OPCML: variants seen among roughly 807,000 people sequenced by gnomAD.
The protein encoded by OPCML is opioid-binding protein/cell adhesion molecule.
Under a neutral mutation model 37.8 loss-of-function variants are expected in OPCML, and 13 were observed. That is an observed-to-expected ratio of 0.34 (90% CI 0.22 to 0.55). OPCML has a LOEUF of 0.55. Ranked by LOEUF, OPCML falls within the 20% of genes least tolerant of loss-of-function variation. The pLI is 0.91. For missense variants in OPCML, 341 were observed against 435.6 expected (o/e 0.78, Z 1.93); for synonymous variants, 176 against 168.8 (o/e 1.04, Z -0.33).
intron 4 of OPCML, among the ~76,000 whole-genome samples, chr11:132,501,559 C>T (rs148654465): frequency 1.4e-3 from 214 of 152,308 alleles, no homozygotes; most frequent in Middle Eastern, 0.01. Context: ...AGGAGCTGTA[C>T]ACAGACAGAT....
chr11:133,373,089 T>C (rs1201103629), intron 1 of OPCML, among the ~76,000 whole-genome samples: 2 of 152,134 alleles, frequency 1.3e-5, no homozygotes, highest in East Asian at 1.9e-4. Context: ...CAGTGCAATA[T>C]AGTCATGCTT....
intron 7 of OPCML, among the ~76,000 whole-genome samples, chr11:132,430,769 T>C (rs1358725470): frequency 6.6e-6 from 1 of 152,188 alleles, no homozygotes; most frequent in East Asian, 1.9e-4. Flanking sequence ...CCGTCTTGGC[T>C]TTGTTTGCGT....
intron 1 of OPCML, among the ~76,000 whole-genome samples, chr11:133,359,058 C>T (rs1014241923): frequency 7.9e-5 from 12 of 152,120 alleles, no homozygotes; most frequent in African/African-American, 2.9e-4. Flanking sequence ...TAGGAGAAGC[C>T]ATCAGAGGAA....
chr11:133,451,679 C>T (rs553993065), intron 1 of OPCML, among the ~76,000 whole-genome samples: 1 of 147,302 alleles, frequency 6.8e-6, no homozygotes, highest in Non-Finnish European at 1.5e-5. Context: ...CCTGTCTCTA[C>T]TAAAAATACA....
At chr11:133,146,316 T>TC (rs200002946) in intron 1 of OPCML, among the ~76,000 whole-genome samples, 47 of 140,232 alleles carry the variant, frequency 3.4e-4, no homozygotes, top group Middle Eastern at 7.5e-3. Flanking sequence ...TCTTTTCTTT[T>TC]TTTTTTTTTT....
At chr11:132,880,704 TAG>T (rs1355838719) in intron 2 of OPCML, among the ~76,000 whole-genome samples, 2 of 152,250 alleles carry the variant, frequency 1.3e-5, no homozygotes, top group Non-Finnish European at 2.9e-5. Flanking sequence ...CAGTAATTAC[TAG>T]AGATTACTAC....
At chr11:132,668,812 C>T (rs1174329260) in intron 2 of OPCML, among the ~76,000 whole-genome samples, 1 of 152,122 alleles carries the variant, frequency 6.6e-6, no homozygotes, top group Admixed American at 6.5e-5. Context: ...TTCCAGTCTA[C>T]CTATAGATTC....
intron 1 of OPCML, among the ~76,000 whole-genome samples, chr11:132,989,221 C>A (rs143501670): frequency 6.6e-6 from 1 of 152,164 alleles, no homozygotes; most frequent in African/African-American, 2.4e-5. Flanking sequence ...AGGAAAAAAT[C>A]ATTGGTTCAG....
intron 1 of OPCML, among the ~76,000 whole-genome samples, chr11:132,955,955 A>G (rs1945969751): frequency 6.6e-6 from 1 of 152,230 alleles, no homozygotes; most frequent in Non-Finnish European, 1.5e-5. Context: ...ACCAGCACCC[A>G]GAATAATTCC....
rs188868985 is a variant in OPCML, at chr11:132,879,992, C to T, written c.146+62934G>A. On this transcript the variant is annotated intron_variant, in intron 2 of 7. Coordinates refer to ENST00000524381, the MANE Select transcript of OPCML (RefSeq NM_001012393.5). ...TTCTTTCTTGTCTTCAATTAACCTT[C>T]CCCCAGCCCCAGAGGTGTAATCGGC... Among the ~76,000 whole-genome samples the T allele has an allele frequency of 1.1e-4, 16 of 152,248 alleles. No homozygotes were observed. The East Asian group carries it at 2.7e-3, about 26-fold the overall frequency.
chr11:133,475,872 G>GA (rs11449279), intron 1 of OPCML, among the ~76,000 whole-genome samples: 9,759 of 152,238 alleles, frequency 0.064, 657 homozygotes, highest in African/African-American at 0.17. Context: ...CCAAGATACT[G>GA]AAATAAAAGG....
chr11:132,610,690 G>A (rs940400771), intron 3 of OPCML, among the ~76,000 whole-genome samples: 1 of 152,096 alleles, frequency 6.6e-6, no homozygotes, highest in African/African-American at 2.4e-5. Flanking sequence ...AGGAGACTCT[G>A]GCCAGACATT....
intron 1 of OPCML, among the ~76,000 whole-genome samples, chr11:133,163,976 C>T (rs1372000833): frequency 6.6e-6 from 1 of 152,182 alleles, no homozygotes; most frequent in Non-Finnish European, 1.5e-5. Flanking sequence ...GATTGTCCCT[C>T]CCCCTCTACC....
intron 3 of OPCML, among the ~76,000 whole-genome samples, chr11:132,600,674 T>C (rs1937798535): frequency 6.6e-6 from 1 of 152,114 alleles, no homozygotes; most frequent in Admixed American, 6.5e-5. Context: ...AAGTGAGTAA[T>C]TTATATAATG....
intron 1 of OPCML, chr11:133,366,090 A>G (rs1439757918): frequency 6.6e-6 from 1 of 152,244 alleles, no homozygotes; most frequent in Non-Finnish European, 1.5e-5. Context: ...CCTTTTAGTT[A>G]GAGAAGGCTG....
intron 1 of OPCML, among the ~76,000 whole-genome samples, chr11:132,952,738 G>C (rs73026219): frequency 0.12 from 18,388 of 152,170 alleles, 1,454 homozygotes; most frequent in Non-Finnish European, 0.18. Context: ...CCTCCTCTGT[G>C]AGCGGCGTGC....
At chr11:132,486,359 T>C (rs1366453648) in intron 4 of OPCML, among the ~76,000 whole-genome samples, 1 of 152,202 alleles carries the variant, frequency 6.6e-6, no homozygotes, top group African/African-American at 2.4e-5. Context: ...ACCAAGGTTT[T>C]GGTGAATTGA....
chr11:132,610,284 C>A (rs1263865254), intron 3 of OPCML, among the ~76,000 whole-genome samples: 1 of 152,186 alleles, frequency 6.6e-6, no homozygotes, highest in South Asian at 2.1e-4. Context: ...GTTAGTTAGG[C>A]AACTCTGCCA....
At chr11:132,542,890 G>A (rs2096360305) in intron 3 of OPCML, among the ~76,000 whole-genome samples, 1 of 152,106 alleles carries the variant, frequency 6.6e-6, no homozygotes, top group African/African-American at 2.4e-5. Flanking sequence ...TTAGATCACT[G>A]TGCCTCACCC....
Sources: gnomAD v4.1 joint callset for allele counts (sites outside exome capture counted in the v4.1 genomes callset) on GRCh38, gnomAD v4.1.1 for gene constraint, MANE v1.5 for transcripts, NCBI Gene and HGNC (gene_info 2026-07-23, HGNC 2026-07-21) for gene names.